Variants in MYO7A observed in about 807,000 individuals in gnomAD.
MYO7A encodes the protein unconventional myosin-VIIa.
In MYO7A, 210 loss-of-function variants were observed where a neutral mutation model predicts 263.8. The ratio of observed to expected loss-of-function variants is 0.80; its 90% confidence interval spans 0.71 to 0.89. The LOEUF is 0.89. Ranked by LOEUF, MYO7A falls within the 40% of genes least tolerant of loss-of-function variation. The pLI is 0.00. For synonymous variants in MYO7A, 1,239 were observed against 1,197.3 expected, an observed-to-expected ratio of 1.03 and a Z score of -0.72; for missense variants, 2,820 against 2,968.3, an observed-to-expected ratio of 0.95 and a Z score of 1.16.
At chr11:77,143,339 C>T (rs895135886) in intron 3 of MYO7A, among the ~76,000 whole-genome samples, 4 of 152,214 alleles carry the variant, frequency 2.6e-5, no homozygotes, top group Non-Finnish European at 5.9e-5. Context: ...GTTAAATGAA[C>T]GTCCACAGCC....
chr11:77,152,660 C>T (rs1555057813), intron 4 of MYO7A, among the ~76,000 whole-genome samples: 1 of 151,974 alleles, frequency 6.6e-6, no homozygotes, highest in East Asian at 1.9e-4. Context: ...CTTTCGGCCG[C>T]TCAGCAAACG....
intron 40 of MYO7A, 32 bp downstream of exon 40, chr11:77,205,649 C>T (rs1957398515): frequency 1.2e-6 from 2 of 1,610,956 alleles, no homozygotes; most frequent in African/African-American, 2.7e-5. Context: ...GGGACAGACA[C>T]TGGGGCGGGC....
At chr11:77,143,799 AAG>A (rs1951375501) in intron 3 of MYO7A, among the ~76,000 whole-genome samples, 1 of 152,146 alleles carries the variant, frequency 6.6e-6, no homozygotes, top group South Asian at 2.1e-4. Context: ...AGTCAGGAGA[AAG>A]AGGGTGCAGG....
At chr11:77,202,483 C>A (rs932273090) in intron 37 of MYO7A, 59 bp downstream of exon 37, 11 of 1,528,286 alleles carry the variant, frequency 7.2e-6, no homozygotes, top group Non-Finnish European at 9.7e-6. Context: ...GCTTCCGCTA[C>A]TGTCTGGTCG....
In MYO7A at chr11:77,190,732, G is replaced by A. The variant is rs1205493197; in HGVS notation, c.3786G>A (p.Val1262=). The change falls in exon 30 of 49, where the codon GTG becomes GTA. Residue 1262 remains valine, a synonymous_variant. Coordinates refer to ENST00000409709, the MANE Select transcript of MYO7A (RefSeq NM_000260.4). The part of the protein sequence containing the change: ...TKSKKPIMLP[V]TFMDGTTKTL... ...CCAAGAAGCCAATCATGTTGCCCGT[G>A]ACATTCATGGATGGGACCACCAAGA... The A allele has an allele frequency of 6.3e-7, 1 of 1,599,070 alleles. No homozygotes were observed. The highest frequency in any genetic ancestry group is 2.3e-5 in the East Asian group (1 of 44,262).
chr11:77,158,531 C>G, intron 9 of MYO7A, 101 bp downstream of exon 9: 1 of 1,380,448 alleles, frequency 7.2e-7, no homozygotes, highest in South Asian at 1.5e-5. Flanking sequence ...TGTCCTAGCA[C>G]GTGCCCTCTT....
intron 15 of MYO7A, among the ~76,000 whole-genome samples, chr11:77,167,116 T>C (rs1402594559): frequency 1.3e-5 from 2 of 152,180 alleles, no homozygotes; most frequent in Admixed American, 6.5e-5. Flanking sequence ...CTCCTTTTTT[T>C]TGGAGTGTGT....
intron 4 of MYO7A, among the ~76,000 whole-genome samples, chr11:77,154,019 G>A (rs1463096309): frequency 2.6e-5 from 4 of 152,204 alleles, no homozygotes; most frequent in African/African-American, 9.7e-5. Flanking sequence ...AGACGTGGAG[G>A]CAGGAGAATC....
intron 26 of MYO7A, 108 bp from the exon 27 acceptor site, chr11:77,184,480 C>T (rs1955511774): frequency 2.2e-6 from 2 of 928,452 alleles, no homozygotes. Context: ...CTTCTGCTCA[C>T]TCCTTAGATT....
intron 46 of MYO7A, 55 bp downstream of exon 46, chr11:77,211,992 C>A: frequency 7.2e-7 from 1 of 1,381,536 alleles, no homozygotes; most frequent in Non-Finnish European, 1.0e-6. Context: ...ATTGATAAAG[C>A]ACAGAGACTC....
chr11:77,137,683 G>T (rs1478031532), intron 2 of MYO7A, among the ~76,000 whole-genome samples: 6 of 152,162 alleles, frequency 3.9e-5, no homozygotes, highest in African/African-American at 1.4e-4. Flanking sequence ...GGAGAGCTCT[G>T]AGCCATCGAG....
At chr11:77,167,994 G>A (rs555727209) in intron 15 of MYO7A, among the ~76,000 whole-genome samples, 6 of 152,184 alleles carry the variant, frequency 3.9e-5, no homozygotes, top group Non-Finnish European at 2.9e-5. Context: ...GTCCCCACCC[G>A]AAAGCCCTGT....
chr11:77,173,022 C>T (rs1954272793), intron 16 of MYO7A, 137 bp downstream of exon 16: 2 of 1,269,464 alleles, frequency 1.6e-6, no homozygotes, highest in African/African-American at 3.0e-5. Flanking sequence ...CGGGAGCTTA[C>T]AAAACAAGGC....
chr11:77,182,166 C>T lies in MYO7A; in HGVS notation c.3108+12C>T. On this transcript the variant is annotated intron_variant, in intron 24 of 48. Transcript: ENST00000409709. Reference sequence around the variant, plus strand: ...AGGGTGACCAGCTGGTAAGGCCTGCCTGTCACTAGGTCACTGCTGGGTGGG... The same window carrying T: ...AGGGTGACCAGCTGGTAAGGCCTGCTTGTCACTAGGTCACTGCTGGGTGGG... 1 of 1,612,956 alleles carries T rather than the reference C, an allele frequency of 6.2e-7. No individual in the cohort carries two copies. Among genetic ancestry groups the T allele is most frequent in the Non-Finnish European group, 8.5e-7 (1 of 1,179,768 alleles).
chr11:77,144,993 C>A (rs529333028), intron 3 of MYO7A, among the ~76,000 whole-genome samples: 18 of 152,314 alleles, frequency 1.2e-4, no homozygotes, highest in Non-Finnish European at 2.4e-4. Flanking sequence ...TCAGCTACTG[C>A]CCTGGTTACA....
chr11:77,189,963 C>T (rs955557236), intron 28 of MYO7A, 57 bp from the exon 29 acceptor site: 54 of 1,461,292 alleles, frequency 3.7e-5, no homozygotes, highest in Non-Finnish European at 4.5e-5. Context: ...TGGCGGCTGC[C>T]CTCAAAATCC....
chr11:77,190,087 G>A lies in MYO7A; in HGVS notation c.3698G>A (p.Arg1233Lys). 6.3e-7 allele frequency: 1 copy of A among 1,579,592 alleles called. No homozygotes were observed. ...YAPYCEERLR[R>K]TFVNGTRTQP... ...CCGTACTGTGAGGAGCGCCTGAGAAGGACCTTTGTCAATGGGACACGGACA... is the reference window on the plus strand; with the variant it reads ...CCGTACTGTGAGGAGCGCCTGAGAAAGACCTTTGTCAATGGGACACGGACA... Residue 1233 changes from arginine to lysine, a missense_variant, in exon 29 of 49, where the codon AGG (arginine) becomes AAG (lysine). By Grantham distance (26) the Arg-to-Lys change is conservative. Coordinates refer to ENST00000409709, the MANE Select transcript of MYO7A (RefSeq NM_000260.4).
Position 77,199,768 on chromosome 11 carries a change from T to A in MYO7A, c.4802T>A (p.Leu1601His). 1 of 1,611,794 alleles carries A rather than the reference T, an allele frequency of 6.2e-7. No homozygotes were observed. Among genetic ancestry groups the A allele is most frequent in the Non-Finnish European group, 8.5e-7 (1 of 1,178,376 alleles). ...RDLVVTFLEGLRKRSKYVVAL... is the reference protein window; with the variant it reads ...RDLVVTFLEGHRKRSKYVVAL... ...CTGGTGGTCACCTTCCTAGAGGGGC[T>A]CCGGAAGAGATCTAAGTATGTTGTG... Residue 1601 changes from leucine to histidine, a missense_variant, in exon 35 of 49, where the codon CTC (leucine) becomes CAC (histidine). By Grantham distance (99) the Leu-to-His change is moderately conservative. Coordinates refer to ENST00000409709, the MANE Select transcript of MYO7A (RefSeq NM_000260.4).
intron 32 of MYO7A, 92 bp from the exon 33 acceptor site, chr11:77,197,389 G>A (rs532611161): frequency 2.4e-5 from 23 of 964,904 alleles, no homozygotes; most frequent in Non-Finnish European, 3.3e-5. Context: ...GGAGCCCCAG[G>A]CTGCTCCTGG....
Sources: allele counts gnomAD v4.1 joint callset (sites outside exome capture counted in the v4.1 genomes callset), GRCh38; gene constraint gnomAD v4.1.1; transcripts MANE v1.5; gene names NCBI Gene and HGNC (gene_info 2026-07-23, HGNC 2026-07-21).